Variants in SEL1L3 observed in about 807,000 individuals in gnomAD.
SEL1L3 encodes SEL1L family member 3.
SEL1L3 carries 76 observed loss-of-function variants against 142.8 expected under a neutral mutation model. The ratio of observed to expected loss-of-function variants is 0.53; its 90% CI spans 0.44 to 0.64. The LOEUF is 0.64. Among genes scored for constraint, SEL1L3 ranks in the 30% least tolerant of loss-of-function variants. The pLI is 0.00. For missense variants in SEL1L3, 1,262 were observed against 1,381.7 expected (o/e 0.91, Z 1.37); for synonymous variants, 504 against 519.6 (o/e 0.97, Z 0.41).
downstream of SEL1L3, among the ~76,000 whole-genome samples, chr4:25,746,899 T>A (rs1176052165): frequency 6.6e-6 from 1 of 152,100 alleles, no homozygotes; most frequent in Non-Finnish European, 1.5e-5. Flanking sequence ...AGGCTTTACA[T>A]ATATTATCTC....
At chr4:25,717,591 G>A in the SEL1L3 span, among the ~76,000 whole-genome samples, 5 of 152,090 alleles carry the variant, frequency 3.3e-5, no homozygotes, top group Middle Eastern at 3.2e-3. Flanking sequence ...ACTTGAACCC[G>A]GGAGGTGGAG....
the SEL1L3 span, among the ~76,000 whole-genome samples, chr4:25,717,031 G>A: frequency 6.6e-6 from 1 of 152,016 alleles, no homozygotes; most frequent in Non-Finnish European, 1.5e-5. Context: ...GGAGGCTGAG[G>A]TGAGAGGATC....
chr4:25,812,287 C>A (rs995045320), intron 9 of SEL1L3, among the ~76,000 whole-genome samples: 1 of 152,230 alleles, frequency 6.6e-6, no homozygotes, highest in Non-Finnish European at 1.5e-5. Context: ...CCTCTCCTCA[C>A]GTCATCTCTC....
intron 20 of SEL1L3, among the ~76,000 whole-genome samples, chr4:25,764,992 C>T (rs1187001808): frequency 1.3e-5 from 2 of 152,012 alleles, no homozygotes; most frequent in African/African-American, 4.8e-5. Context: ...ATGGATGTCA[C>T]CAAGAGCTGA....
intron 23 of SEL1L3, among the ~76,000 whole-genome samples, chr4:25,748,977 G>T (rs1432030636): frequency 1.3e-5 from 2 of 152,140 alleles, no homozygotes; most frequent in East Asian, 1.9e-4. Flanking sequence ...GTTGTAGAAT[G>T]ATGTACCCTT....
the SEL1L3 span, among the ~76,000 whole-genome samples, chr4:25,722,929 T>C: frequency 6.6e-6 from 1 of 152,104 alleles, no homozygotes; most frequent in Non-Finnish European, 1.5e-5. Context: ...ACATTTAACA[T>C]GAAGAGAAAA....
At chr4:25,828,573 T>C (rs1411025234) in intron 6 of SEL1L3, among the ~76,000 whole-genome samples, 1 of 151,908 alleles carries the variant, frequency 6.6e-6, no homozygotes, top group African/African-American at 2.4e-5. Context: ...TTAGTAGAGA[T>C]GGGGGTTTCA....
At chr4:25,802,818 T>C (rs894008423) in intron 10 of SEL1L3, among the ~76,000 whole-genome samples, 1 of 152,024 alleles carries the variant, frequency 6.6e-6, no homozygotes, top group African/African-American at 2.4e-5. Context: ...CCTGACCTCA[T>C]GATCTACCCG....
Position 25,765,312 on chromosome 4 carries a change from C to A in SEL1L3, c.2955+14G>T. On this transcript the variant is annotated intron_variant, in intron 20 of 23. Transcript: ENST00000399878. ...CCCGGCCAAGAGCTGGTTTTTGTTG[C>A]GGTTGCTGTTTACCTGGGAGTCTCC... The A allele has an allele frequency of 6.4e-7, 1 of 1,557,934 alleles. No homozygotes were observed. The highest frequency in any genetic ancestry group is 8.9e-7 in the Non-Finnish European group (1 of 1,129,804).
chr4:25,763,228 T>C (rs1718501054), intron 20 of SEL1L3, among the ~76,000 whole-genome samples: 1 of 150,702 alleles, frequency 6.6e-6, no homozygotes, highest in African/African-American at 2.4e-5. Flanking sequence ...ACAGGAAATA[T>C]GACCTAAGGG....
At chr4:25,823,444 G>C (rs1714895879) in intron 6 of SEL1L3, among the ~76,000 whole-genome samples, 1 of 152,142 alleles carries the variant, frequency 6.6e-6, no homozygotes, top group Admixed American at 6.5e-5. Context: ...AACCTGGGAG[G>C]CAGAGGTTGC....
At position 25,784,527 on chromosome 4, in the gene SEL1L3, TGTGTCA is replaced by T. The variant is rs771599910; in HGVS notation, c.2218-243_2218-238del. Among the ~76,000 whole-genome samples, 38 of 152,326 alleles carry T rather than the reference TGTGTCA, an allele frequency of 2.5e-4. 1 individual carries two copies. The highest frequency in any genetic ancestry group is 3.4e-3 in the Middle Eastern group (1 of 294). ...AACTTCGCAGCTTAGCAGTAATCGCTGTGTCAGTTGCAACCCTGTCAATCCACAGGT... is the reference window on the plus strand; with the variant it reads ...AACTTCGCAGCTTAGCAGTAATCGCTGTTGCAACCCTGTCAATCCACAGGT... On this transcript the variant is annotated intron_variant, in intron 13 of 23. Transcript: ENST00000399878.
chr4:25,762,381 GA>G (rs772712341), intron 20 of SEL1L3, among the ~76,000 whole-genome samples: 11 of 152,150 alleles, frequency 7.2e-5, no homozygotes, highest in Non-Finnish European at 1.6e-4. Flanking sequence ...AACACAAGAG[GA>G]AACCACCTCC....
intron 10 of SEL1L3, among the ~76,000 whole-genome samples, chr4:25,803,770 GT>G (rs1336594427): frequency 2.6e-5 from 4 of 151,344 alleles, no homozygotes; most frequent in Non-Finnish European, 4.4e-5. Context: ...AGACATCAGG[GT>G]TTTTTATATG....
chr4:25,755,978 G>A lies in SEL1L3; in HGVS notation c.3259+1556C>T, dbSNP rs563648476. The A allele has an allele frequency of 6.1e-6, 6 of 985,294 alleles. No homozygotes were observed. In the African/African-American group the frequency reaches 1.0e-4, roughly 17 times the overall value. 61.0% of individuals were successfully genotyped at this position (985,294 alleles called of 1,614,324 possible). ...AGTTTATTAACCAGCAGACTATGGG[G>A]CATCAAGCCTGGAAGGTTTTGATGG... On this transcript the variant is annotated intron_variant, in intron 23 of 23. Coordinates refer to ENST00000399878, the MANE Select transcript of SEL1L3 (RefSeq NM_015187.5).
At chr4:25,735,782 A>C in the SEL1L3 span, among the ~76,000 whole-genome samples, 1 of 148,282 alleles carries the variant, frequency 6.7e-6, no homozygotes, top group East Asian at 2.0e-4. Context: ...TATGTTTTTG[A>C]CCAGTGGATT....
rs552841998 is a variant in SEL1L3 at position 25,847,512 on chromosome 4, A to G, written c.515T>C (p.Ile172Thr). The G allele has an allele frequency of 4.6e-5, 74 of 1,613,908 alleles. No individual in the cohort carries two copies. Among genetic ancestry groups the G allele is most frequent in the Admixed American group, 2.7e-4 (16 of 60,024 alleles). ...IRHSISVSAV[I>T]VRAWITHKYS... is the part of the protein sequence containing the mutation. ...TTTGTGAGTAATCCAGGCGCGTACT[A>G]TCACTGCAGATACAGAGATGGAATG... Residue 172 changes from isoleucine to threonine, a missense_variant, in exon 2 of 24, where the codon ATA (isoleucine) becomes ACA (threonine). By Grantham distance (89) the Ile-to-Thr change is moderately conservative. Around this residue, in one of 3 missense-constraint regions of SEL1L3, gnomAD observed 689 missense variants for 692.8 expected, o/e 0.99. Coordinates refer to ENST00000399878, the MANE Select transcript of SEL1L3 (RefSeq NM_015187.5).
chr4:25,783,728 C>T (rs1711582324), intron 14 of SEL1L3, among the ~76,000 whole-genome samples: 1 of 152,156 alleles, frequency 6.6e-6, no homozygotes. Context: ...TTGAAGATAC[C>T]ACTTAAATGT....
the SEL1L3 span, among the ~76,000 whole-genome samples, chr4:25,722,624 C>CTTTTTTTTTTTTTTT: frequency 6.6e-3 from 680 of 103,554 alleles, 70 homozygotes; most frequent in African/African-American, 0.024. Context: ...CCAAAGGAGG[C>CTTTTTTTTTTTTTTT]TTTTTTTTTT....
Sources: gnomAD v4.1 joint callset for allele counts (sites outside exome capture counted in the v4.1 genomes callset) on GRCh38, gnomAD v4.1.1 for gene constraint, gnomAD v4.1.1 regional missense constraint, MANE v1.5 for transcripts, NCBI Gene and HGNC (gene_info 2026-07-23, HGNC 2026-07-21) for gene names.